The following BCAS4 variants were observed in gnomAD, a reference collection of about 807,000 sequenced individuals.
The protein encoded by BCAS4 is breast carcinoma-amplified sequence 4.
A neutral mutation model predicts 15.7 loss-of-function variants in BCAS4; 9 were observed. That is an observed-to-expected ratio of 0.57 (90% confidence interval 0.34 to 1.00). The LOEUF is 1.00. Among genes scored for constraint, BCAS4 ranks in the 50% least tolerant of loss-of-function variants. The pLI, the probability that BCAS4 is intolerant of heterozygous loss-of-function variation, is 0.02. For missense variants in BCAS4, 225 were observed against 239.1 expected, an observed-to-expected ratio of 0.94 and a Z score of 0.39; for synonymous variants, 101 against 99.5, an observed-to-expected ratio of 1.02 and a Z score of -0.09.
downstream of BCAS4, chr20:50,878,593 TG>T (rs757147948): frequency 3.3e-5 from 5 of 151,374 alleles, no homozygotes; most frequent in Admixed American, 1.3e-4. Context: ...TGGGCTCAAG[TG>T]ATCCTCCTGC....
At chr20:50,796,452 CATATATATATATATATATAT>C (rs1245993218) in intron 1 of BCAS4, among the ~76,000 whole-genome samples, 10 of 21,156 alleles carry the variant, frequency 4.7e-4, no homozygotes, top group South Asian at 3.9e-3. Context: ...TCTTTTTCTC[CATATATATATATATATATAT>C]ATATATATAT....
chr20:50,796,101 G>A (rs961765412), intron 1 of BCAS4, among the ~76,000 whole-genome samples: 6 of 151,234 alleles, frequency 4.0e-5, no homozygotes, highest in African/African-American at 1.5e-4. Context: ...AATCTATCTC[G>A]CCAGGCCTGG....
At chr20:50,868,542 C>T (rs1348702109) in intron 4 of BCAS4, among the ~76,000 whole-genome samples, 1 of 152,184 alleles carries the variant, frequency 6.6e-6, no homozygotes. Flanking sequence ...CTCACCTCGG[C>T]CTCCTGAGTA....
chr20:50,858,382 A>G (rs1978879844), intron 4 of BCAS4, among the ~76,000 whole-genome samples: 1 of 152,144 alleles, frequency 6.6e-6, no homozygotes, highest in Non-Finnish European at 1.5e-5. Context: ...TGGGTGGATC[A>G]TCTGAGGTCA....
chr20:50,818,364 T>A, intron 2 of BCAS4, 82 bp downstream of exon 2: 1 of 1,404,840 alleles, frequency 7.1e-7, no homozygotes, highest in Non-Finnish European at 9.8e-7. Context: ...GAAGCCATTT[T>A]GGTGGTGAGT....
At position 50,873,038 on chromosome 20, in the gene BCAS4, G is replaced by A. The variant is rs75801582; in HGVS notation, c.400-3448G>A. On this transcript the variant is annotated intron_variant, in intron 4 of 4. Transcript: ENST00000371608. ...ACACCGACAGAGCTTGTCTCCCTGC[G>A]ACCCCCTTGTCCAAATGCAGGGATG... 2.0e-4 allele frequency among the ~76,000 whole-genome samples: 30 copies of A among 152,324 alleles called. No individual in the cohort carries two copies. The East Asian group carries it at 5.4e-3, about 27-fold the overall frequency.
intron 3 of BCAS4, among the ~76,000 whole-genome samples, chr20:50,838,493 TG>T (rs1474612279): frequency 6.6e-6 from 1 of 152,140 alleles, no homozygotes; most frequent in Non-Finnish European, 1.5e-5. Flanking sequence ...GTGGAACACC[TG>T]GGATCGGGAG....
intron 1 of BCAS4, among the ~76,000 whole-genome samples, chr20:50,803,896 T>C (rs932996537): frequency 2.0e-5 from 3 of 151,558 alleles, no homozygotes; most frequent in Non-Finnish European, 2.9e-5. Context: ...AGCCTGGCCA[T>C]TGGAATTATA....
At chr20:50,861,732 C>A (rs1305600415) in intron 4 of BCAS4, among the ~76,000 whole-genome samples, 1 of 152,128 alleles carries the variant, frequency 6.6e-6, no homozygotes, top group Non-Finnish European at 1.5e-5. Context: ...GCCGCTCATC[C>A]CTGCTTCCCT....
intron 2 of BCAS4, among the ~76,000 whole-genome samples, chr20:50,822,223 C>T (rs1435888197): frequency 1.3e-5 from 2 of 152,284 alleles, no homozygotes; most frequent in African/African-American, 4.8e-5. Flanking sequence ...GCTGTTTGAC[C>T]TCCCCAGAGC....
At chr20:50,835,694 C>T (rs549620918) in intron 3 of BCAS4, among the ~76,000 whole-genome samples, 14 of 152,160 alleles carry the variant, frequency 9.2e-5, no homozygotes, top group Middle Eastern at 3.4e-3. Flanking sequence ...CACCGTGGGG[C>T]GTGAATCTCC....
chr20:50,814,988 T>C (rs987854184), intron 1 of BCAS4, among the ~76,000 whole-genome samples: 2 of 152,160 alleles, frequency 1.3e-5, no homozygotes, highest in African/African-American at 4.8e-5. Context: ...AGCTATGGAA[T>C]GCAACCCCTT....
intron 1 of BCAS4, among the ~76,000 whole-genome samples, chr20:50,804,239 A>C (rs148246357): frequency 1.3e-5 from 2 of 152,048 alleles, no homozygotes; most frequent in African/African-American, 4.8e-5. Flanking sequence ...GGGTTTCACC[A>C]TGTTGGCCAG....
intron 4 of BCAS4, among the ~76,000 whole-genome samples, chr20:50,844,881 A>AG (rs2088524908): frequency 6.6e-6 from 1 of 152,104 alleles, no homozygotes; most frequent in South Asian, 2.1e-4. Context: ...CGTCCTGGCC[A>AG]GGGGTGGGTG....
chr20:50,879,221 T>C (rs1980067321), downstream of BCAS4: 1 of 152,110 alleles, frequency 6.6e-6, no homozygotes, highest in Non-Finnish European at 1.5e-5. Context: ...AGAGCACACG[T>C]TGGATGGAAA....
chr20:50,835,026 A>G (rs571941222), intron 3 of BCAS4, among the ~76,000 whole-genome samples: 2 of 152,296 alleles, frequency 1.3e-5, no homozygotes, highest in South Asian at 4.1e-4. Context: ...TTTGCGTACA[A>G]GTTTTTGTGT....
intron 1 of BCAS4, among the ~76,000 whole-genome samples, chr20:50,811,416 T>C (rs2088061347): frequency 1.3e-5 from 2 of 152,106 alleles, no homozygotes; most frequent in African/African-American, 4.8e-5. Context: ...GATTTTAAAG[T>C]ATATAGTTTG....
intron 1 of BCAS4, 47 bp from the exon 2 acceptor site, chr20:50,818,164 T>A (rs1428910468): frequency 1.9e-5 from 30 of 1,539,200 alleles, no homozygotes; most frequent in Non-Finnish European, 2.5e-5. Context: ...GGTGTTTGTC[T>A]CCCTGGAAAC....
Position 50,835,145 on chromosome 20 carries a change from A to T in BCAS4, c.264+4765A>T, listed in dbSNP as rs141478633. Among the ~76,000 whole-genome samples the T allele has an allele frequency of 6.2e-3, 943 of 152,338 alleles. 7 individuals carry two copies. Among genetic ancestry groups the T allele is most frequent in the African/African-American group, 0.021 (874 of 41,568 alleles). On this transcript the variant is annotated intron_variant, in intron 3 of 4. Coordinates refer to ENST00000371608, the MANE Select transcript of BCAS4 (RefSeq NM_198799.4). Reference sequence around the variant, plus strand: ...TTTAGGAAGTTTCTAACAATTTTCCAAAGTGACTACACCATTTTGAACTCA... The same window carrying T: ...TTTAGGAAGTTTCTAACAATTTTCCTAAGTGACTACACCATTTTGAACTCA...
Sources: allele counts gnomAD v4.1 joint callset (sites outside exome capture counted in the v4.1 genomes callset), GRCh38; gene constraint gnomAD v4.1.1; transcripts MANE v1.5; gene names NCBI Gene and HGNC (gene_info 2026-07-23, HGNC 2026-07-21).